The following DCAF6 variants were observed in gnomAD, a reference collection of about 807,000 sequenced individuals.
DCAF6 encodes the protein DDB1 and CUL4 associated factor 6.
DCAF6 carries 54 observed loss-of-function variants against 125.1 expected under a neutral mutation model. The ratio of observed to expected loss-of-function variants is 0.43; its 90% confidence interval spans 0.35 to 0.54. The LOEUF is 0.54. DCAF6 is among the 20% of genes least tolerant of loss of function. The pLI is 0.01. For missense variants in DCAF6, 934 were observed against 1,161.7 expected, an observed-to-expected ratio of 0.80 and a Z score of 2.85; for synonymous variants, 371 against 390.4, an observed-to-expected ratio of 0.95 and a Z score of 0.58.
At chr1:167,941,330 A>G (rs1333968408) in intron 1 of DCAF6, among the ~76,000 whole-genome samples, 1 of 152,218 alleles carries the variant, frequency 6.6e-6, no homozygotes, top group African/African-American at 2.4e-5. Context: ...TGATAGCTCT[A>G]CTGTGGGTTT....
intron 2 of DCAF6, among the ~76,000 whole-genome samples, chr1:167,953,570 G>A (rs1234457329): frequency 6.6e-6 from 1 of 152,154 alleles, no homozygotes; most frequent in Admixed American, 6.5e-5. Flanking sequence ...ATTCATTGAT[G>A]AGACAAAGAG....
intron 7 of DCAF6, among the ~76,000 whole-genome samples, chr1:168,001,333 CAA>C (rs541721400): frequency 4.5e-4 from 69 of 152,148 alleles, no homozygotes; most frequent in Non-Finnish European, 9.1e-4. Flanking sequence ...AGGGAGCGGT[CAA>C]GAGTGATAGG....
At chr1:167,910,869 G>A in the DCAF6 span, among the ~76,000 whole-genome samples, 3 of 152,184 alleles carry the variant, frequency 2.0e-5, no homozygotes, top group East Asian at 5.8e-4. Flanking sequence ...GAAAGACTGA[G>A]CTAATGAAAA....
the DCAF6 span, chr1:167,870,434 G>C: frequency 1.7e-5 from 27 of 1,581,912 alleles, no homozygotes; most frequent in African/African-American, 3.4e-4. Flanking sequence ...TTTTAAAAAA[G>C]AGCAAACTCA....
intron 19 of DCAF6, among the ~76,000 whole-genome samples, 190 bp downstream of exon 19, chr1:168,065,936 AG>A (rs1692272331): frequency 6.6e-6 from 1 of 152,230 alleles, no homozygotes; most frequent in Non-Finnish European, 1.5e-5. Context: ...ACAAAGTAAA[AG>A]AAAATAGGTT....
chr1:168,011,539 TAGA>T (rs1384692340), intron 10 of DCAF6, among the ~76,000 whole-genome samples: 2 of 152,204 alleles, frequency 1.3e-5, no homozygotes, highest in Non-Finnish European at 2.9e-5. Context: ...TTGAGCTTTG[TAGA>T]AAAATTGCTG....
chr1:167,901,617 C>T, the DCAF6 span: 4 of 1,595,996 alleles, frequency 2.5e-6, no homozygotes, highest in East Asian at 8.9e-5. Context: ...GGAGTCAAGA[C>T]CCTATCCCAG....
the DCAF6 span, among the ~76,000 whole-genome samples, chr1:167,873,760 G>C: frequency 1.3e-5 from 2 of 152,068 alleles, no homozygotes; most frequent in Non-Finnish European, 2.9e-5. Flanking sequence ...AAAAATGCTA[G>C]AAAAATATCT....
At chr1:167,939,110 G>C (rs1289923036) in intron 1 of DCAF6, among the ~76,000 whole-genome samples, 1 of 152,108 alleles carries the variant, frequency 6.6e-6, no homozygotes, top group Non-Finnish European at 1.5e-5. Flanking sequence ...TGTTTGCAAA[G>C]AACTAATTTA....
chr1:168,024,220 TAAAA>T (rs374506657), intron 12 of DCAF6, among the ~76,000 whole-genome samples: 1 of 124,718 alleles, frequency 8.0e-6, no homozygotes, highest in African/African-American at 2.9e-5. Flanking sequence ...CCCATCTCTT[TAAAA>T]AAAAAAAAAA....
intron 7 of DCAF6, among the ~76,000 whole-genome samples, chr1:167,994,381 G>A (rs1221828015): frequency 6.6e-6 from 1 of 152,094 alleles, no homozygotes; most frequent in Non-Finnish European, 1.5e-5. Context: ...GAGACTAAAT[G>A]TGTATGTCCA....
the DCAF6 span, among the ~76,000 whole-genome samples, chr1:167,892,452 C>G: frequency 1.3e-5 from 2 of 152,140 alleles, no homozygotes; most frequent in Admixed American, 6.5e-5. Flanking sequence ...TTAGCTGTAC[C>G]TCTTCACCAG....
Position 168,050,905 on chromosome 1 carries a change from G to A in DCAF6, c.2272G>A (p.Gly758Arg). Reference sequence around the variant, plus strand: ...TCCCTTCACTAGATTTAATATCAGAGGAACAACAATAGGTGATAGAATAAT... The same window carrying A: ...TCCCTTCACTAGATTTAATATCAGAAGAACAACAATAGGTGATAGAATAAT... ...AGPGDRFNIR[G>R]TTIGDRIMRR... is the part of the protein sequence containing the mutation. The change falls in exon 17 of 22, where the codon GGA (glycine) becomes AGA (arginine). Residue 758 changes from glycine to arginine, a missense_variant. Around this residue, in one of 5 missense-constraint regions of DCAF6, gnomAD observed 559 missense variants for 635.5 expected, o/e 0.88. Transcript: ENST00000367840. 9 of 1,379,512 alleles carry A rather than the reference G, an allele frequency of 6.5e-6. No individual in the cohort carries two copies. Among genetic ancestry groups the A allele is most frequent in the Non-Finnish European group, 8.6e-6 (9 of 1,043,088 alleles). The allele number at this position is 1,379,512 out of a possible 1,614,324, so 85.5% of individuals were successfully genotyped here.
At chr1:168,061,474 C>T (rs1356193284) in intron 17 of DCAF6, among the ~76,000 whole-genome samples, 1 of 151,986 alleles carries the variant, frequency 6.6e-6, no homozygotes, top group East Asian at 1.9e-4. Flanking sequence ...TATTCTTTAG[C>T]CTGTGTTTTA....
At chr1:167,990,815 T>C (rs377100493) in intron 5 of DCAF6, among the ~76,000 whole-genome samples, 1 of 152,208 alleles carries the variant, frequency 6.6e-6, no homozygotes, top group African/African-American at 2.4e-5. Context: ...CTGATCATTT[T>C]AAAAATCTGT....
intron 20 of DCAF6, among the ~76,000 whole-genome samples, 175 bp from the exon 21 acceptor site, chr1:168,068,183 G>GT (rs1692586123): frequency 6.6e-6 from 1 of 152,120 alleles, no homozygotes; most frequent in South Asian, 2.1e-4. Flanking sequence ...TTAAATACAA[G>GT]TTACAGTGAT....
chr1:168,002,321 A>G (rs1682759181), intron 7 of DCAF6, among the ~76,000 whole-genome samples, 161 bp from the exon 8 acceptor site: 1 of 152,218 alleles, frequency 6.6e-6, no homozygotes, highest in African/African-American at 2.4e-5. Context: ...ATGCTTTAAA[A>G]GACTGACGCT....
At chr1:167,953,880 T>C (rs1443711135) in intron 2 of DCAF6, among the ~76,000 whole-genome samples, 1 of 152,154 alleles carries the variant, frequency 6.6e-6, no homozygotes. Flanking sequence ...ATTGCAGGTG[T>C]AAGCCACTGT....
chr1:168,068,298 T>C (rs1692599146), intron 20 of DCAF6, 60 bp from the exon 21 acceptor site: 3 of 1,265,174 alleles, frequency 2.4e-6, no homozygotes, highest in African/African-American at 1.5e-5. Flanking sequence ...TTGCCTGATC[T>C]TCAAGGAAAA....
Sources: gnomAD v4.1 joint callset for allele counts (sites outside exome capture counted in the v4.1 genomes callset) on GRCh38, gnomAD v4.1.1 for gene constraint, gnomAD v4.1.1 regional missense constraint, MANE v1.5 for transcripts, NCBI Gene and HGNC (gene_info 2026-07-23, HGNC 2026-07-21) for gene names.